Variants in ENO4 observed in about 807,000 individuals in gnomAD.
ENO4 encodes the protein enolase 4.
ENO4 carries 53 observed loss-of-function variants against 63.2 expected under a neutral mutation model. The observed-to-expected ratio is 0.84, with a 90% CI of 0.67 to 1.05. The LOEUF (loss-of-function observed/expected upper bound fraction) is 1.05. Among genes scored for constraint, ENO4 ranks in the 50% least tolerant of loss-of-function variants. The pLI is 0.00. For synonymous variants in ENO4, 266 were observed against 283.8 expected (o/e 0.94, Z 0.63); for missense variants, 719 against 772.0 (o/e 0.93, Z 0.81).
At chr10:116,850,676 C>T (rs1846052547) in intron 1 of ENO4, among the ~76,000 whole-genome samples, 1 of 151,972 alleles carries the variant, frequency 6.6e-6, no homozygotes, top group African/African-American at 2.4e-5. Flanking sequence ...GGATGTTCCG[C>T]GAATGACTTT....
rs1294513399 is a variant in ENO4, at chr10:116,861,099, C to T, written c.845C>T (p.Ser282Leu). The T allele has an allele frequency of 3.2e-6, 5 of 1,549,034 alleles. No individual in the cohort carries two copies. The highest frequency in any genetic ancestry group is 2.4e-5 in the East Asian group (1 of 40,902). Residue 282 changes from serine to leucine, a missense_variant, in exon 6 of 14, where the codon TCG becomes TTG. Coordinates refer to ENST00000341276, the MANE Select transcript of ENO4 (RefSeq NM_001242699.2). ...CTATCTATGCCTTTGCTGATGGTAT[C>T]GCTGGTCAGCTGTGGGAAGTCATCA... ...TTLSMPLLMV[S>L]LVSCGKSSSG...
In ENO4 at chr10:116,855,693, G is replaced by C. The variant is rs1216910021; in HGVS notation, c.236G>C (p.Gly79Ala). 6.5e-6 allele frequency: 10 copies of C among 1,536,468 alleles called. No individual in the cohort carries two copies. In the East Asian group the frequency reaches 2.4e-4, roughly 38 times the overall value. ...CKIVGKDVLD[G>A]LGLPTLQVDI... The stretch of plus-strand genomic sequence containing the variant: ...ATAGTGGGGAAAGACGTACTAGATG[G>C]ACTGGGGCTTCCAACCCTGCAAGTG... Residue 79 changes from glycine (G) to alanine (A), a missense_variant, in exon 2 of 14, where the codon GGA (glycine) becomes GCA (alanine). Physicochemically the swap from Gly to Ala is moderately conservative, Grantham distance 60. Transcript: ENST00000341276.
At chr10:116,856,816 A>C (rs1252104490) in intron 3 of ENO4, 134 bp downstream of exon 3, 4 of 707,736 alleles carry the variant, frequency 5.7e-6, no homozygotes, top group African/African-American at 1.9e-5. Flanking sequence ...GGTGAAACCC[A>C]GTCTCTACTC....
intron 10 of ENO4, among the ~76,000 whole-genome samples, chr10:116,909,970 C>T (rs1302792746): frequency 6.6e-6 from 1 of 152,116 alleles, no homozygotes; most frequent in East Asian, 1.9e-4. Flanking sequence ...TTCTTACATG[C>T]CATGATTGTG....
At chr10:116,910,700 CAA>C (rs771867184) in intron 10 of ENO4, among the ~76,000 whole-genome samples, 1 of 152,180 alleles carries the variant, frequency 6.6e-6, no homozygotes, top group African/African-American at 2.4e-5. Context: ...ACAAACACAA[CAA>C]AAGAGACTGT....
intron 10 of ENO4, among the ~76,000 whole-genome samples, chr10:116,908,119 G>A (rs545765615): frequency 1.3e-5 from 2 of 152,216 alleles, no homozygotes; most frequent in East Asian, 3.9e-4. Context: ...TGAAGTTACA[G>A]AAAAGTAACC....
At chr10:116,886,575 TGAA>T (rs1219983819), downstream of ENO4, 6 of 1,613,090 alleles carry the variant, frequency 3.7e-6, no homozygotes, top group Non-Finnish European at 5.1e-6. Flanking sequence ...GCCTATGAGA[TGAA>T]GAGTTAGACA....
intron 10 of ENO4, among the ~76,000 whole-genome samples, chr10:116,904,464 A>G (rs1158056245): frequency 6.8e-6 from 1 of 146,724 alleles, no homozygotes; most frequent in Non-Finnish European, 1.5e-5. Context: ...TGCTTTGGCT[A>G]TTAGGAAACT....
intron 13 of ENO4, 100 bp from the exon 14 acceptor site, chr10:116,881,415 C>G: frequency 1.1e-6 from 1 of 884,528 alleles, no homozygotes; most frequent in South Asian, 2.0e-5. Flanking sequence ...TGATGTGACA[C>G]CTTTGGACTA....
chr10:116,897,952 T>C (rs1468585938), intron 10 of ENO4, among the ~76,000 whole-genome samples: 1 of 152,156 alleles, frequency 6.6e-6, no homozygotes, highest in Non-Finnish European at 1.5e-5. Flanking sequence ...ATCATTCTTG[T>C]TTTTCTGACC....
downstream of ENO4, chr10:116,882,675 A>G (rs1383579061): frequency 6.6e-6 from 1 of 152,200 alleles, no homozygotes; most frequent in Non-Finnish European, 1.5e-5. Context: ...TATTAAGCAC[A>G]CTGAGGACCT....
chr10:116,893,389 A>C (rs1313636597), intron 10 of ENO4, among the ~76,000 whole-genome samples: 4 of 152,168 alleles, frequency 2.6e-5, no homozygotes, highest in Non-Finnish European at 4.4e-5. Flanking sequence ...CAGTGTCAGT[A>C]CACAATTCAG....
At position 116,856,567 on chromosome 10, in the gene ENO4, G is replaced by A; in HGVS notation, c.370G>A (p.Glu124Lys). The change falls in exon 3 of 14, where the codon GAG becomes AAG. Residue 124 changes from glutamate (E) to lysine (K), a missense_variant. This residue lies in a region of ENO4 where 544 missense variants were observed against 583.6 expected (regional missense o/e 0.93). Coordinates refer to ENST00000341276, the MANE Select transcript of ENO4 (RefSeq NM_001242699.2). ...NALPELAKAE[E>K]AERASAVSTA... ...TCTGCCCGAGCTGGCCAAGGCGGAG[G>A]AGGCAGAGAGGGCCAGCGCGGTGAG... 2 of 1,536,178 alleles carry A rather than the reference G, an allele frequency of 1.3e-6. No homozygotes were observed. Among genetic ancestry groups the A allele is most frequent in the Non-Finnish European group, 1.7e-6 (2 of 1,146,930 alleles).
intron 10 of ENO4, among the ~76,000 whole-genome samples, chr10:116,898,455 A>C (rs1474159279): frequency 6.6e-6 from 1 of 152,194 alleles, no homozygotes; most frequent in Non-Finnish European, 1.5e-5. Flanking sequence ...TCAACAGAAG[A>C]GCATGAAAGC....
At chr10:116,887,536 G>A (rs547671060), downstream of ENO4, among the ~76,000 whole-genome samples, 35 of 152,282 alleles carry the variant, frequency 2.3e-4, no homozygotes, top group African/African-American at 8.2e-4. Context: ...GTGCCAGTGA[G>A]CTGCCAGCCA....
chr10:116,908,699 T>C (rs1038314548), intron 10 of ENO4, among the ~76,000 whole-genome samples: 1 of 152,234 alleles, frequency 6.6e-6, no homozygotes, highest in Non-Finnish European at 1.5e-5. Flanking sequence ...CATACATACA[T>C]ACATACCTTT....
At chr10:116,858,883 A>G in intron 3 of ENO4, 107 bp from the exon 4 acceptor site, 1 of 558,762 alleles carries the variant, frequency 1.8e-6, no homozygotes, top group East Asian at 3.0e-5. Flanking sequence ...GTAGCTGAAA[A>G]GCAGTTATTT....
At chr10:116,853,982 T>C (rs1182515820) in intron 1 of ENO4, among the ~76,000 whole-genome samples, 1 of 152,136 alleles carries the variant, frequency 6.6e-6, no homozygotes, top group African/African-American at 2.4e-5. Flanking sequence ...CTTCCCTCCT[T>C]CTAGTCTCTC....
chr10:116,869,863 G>T (rs1319630277), intron 8 of ENO4, among the ~76,000 whole-genome samples: 1 of 152,040 alleles, frequency 6.6e-6, no homozygotes, highest in Non-Finnish European at 1.5e-5. Flanking sequence ...AAATTGCCTG[G>T]ATTAAAATCT....
Sources: gnomAD v4.1 joint callset for allele counts (sites outside exome capture counted in the v4.1 genomes callset) on GRCh38, gnomAD v4.1.1 for gene constraint, gnomAD v4.1.1 regional missense constraint, MANE v1.5 for transcripts, NCBI Gene and HGNC (gene_info 2026-07-23, HGNC 2026-07-21) for gene names.